Variants in FOXP2 observed in about 807,000 individuals in gnomAD.
FOXP2 encodes the protein forkhead box P2.
A neutral mutation model predicts 115.8 loss-of-function variants in FOXP2; 12 were observed. The observed-to-expected ratio is 0.10, with a 90% confidence interval of 0.07 to 0.17. The LOEUF (loss-of-function observed/expected upper bound fraction) is 0.17, where lower values mean the gene tolerates loss of function less well. Among genes scored for constraint, FOXP2 ranks in the 10% least tolerant of loss-of-function variants. The pLI, the probability that FOXP2 is intolerant of heterozygous loss-of-function variation, is 1.00. For synonymous variants in FOXP2, 328 were observed against 297.7 expected, an observed-to-expected ratio of 1.10 and a Z score of -1.05; for missense variants, 629 against 843.5, an observed-to-expected ratio of 0.75 and a Z score of 3.15.
At chr7:114,258,444 A>T (rs1454876844) in intron 1 of FOXP2, among the ~76,000 whole-genome samples, 1 of 152,198 alleles carries the variant, frequency 6.6e-6, no homozygotes, top group African/African-American at 2.4e-5. Flanking sequence ...TGAAAAGCAT[A>T]GGATTAGAGC....
chr7:114,094,920 C>T (rs372243219), intron 1 of FOXP2, among the ~76,000 whole-genome samples: 11 of 152,296 alleles, frequency 7.2e-5, no homozygotes, highest in African/African-American at 2.6e-4. Context: ...ACTCCCATTC[C>T]CTTGCCCCTT....
intron 1 of FOXP2, among the ~76,000 whole-genome samples, chr7:114,183,786 G>T (rs1483794138): frequency 6.6e-6 from 1 of 152,076 alleles, no homozygotes; most frequent in Non-Finnish European, 1.5e-5. Flanking sequence ...TAGCTAATTA[G>T]TGATGCGCTG....
chr7:114,690,610 G>A lies in FOXP2; in HGVS notation c.*684G>A, dbSNP rs1279072952. The A allele has an allele frequency of 2.2e-6, 1 of 454,080 alleles. No individual in the cohort carries two copies. The highest frequency in any genetic ancestry group is 2.0e-5 in the African/African-American group (1 of 50,112). The allele number at this position is 454,080 out of a possible 1,614,324, so 28.1% of individuals were successfully genotyped here. A position where few individuals can be genotyped will look rare whatever the true frequency, so the allele number is the denominator to read the frequency against. On this transcript the variant is annotated 3_prime_UTR_variant, in exon 17 of 17. Transcript: ENST00000350908. Reference sequence around the variant, plus strand: ...TGCTGTTAGTGTTAAGATGTAAAGTGCAATCCTAAGCTAACATTATCTGTG... The same window carrying A: ...TGCTGTTAGTGTTAAGATGTAAAGTACAATCCTAAGCTAACATTATCTGTG...
At chr7:114,248,180 CAGAGAGAGAGAGAG>C (rs71314647) in intron 1 of FOXP2, among the ~76,000 whole-genome samples, 7 of 145,966 alleles carry the variant, frequency 4.8e-5, no homozygotes, top group South Asian at 2.2e-4. Flanking sequence ...AGCTTAAAAA[CAGAGAGAGAGAGAG>C]AGAGAGAGAG....
chr7:114,521,105 A>T (rs1798602930), intron 2 of FOXP2, among the ~76,000 whole-genome samples: 1 of 152,156 alleles, frequency 6.6e-6, no homozygotes, highest in African/African-American at 2.4e-5. Flanking sequence ...TTTTTATTGC[A>T]AAAGAACTGT....
chr7:114,590,989 A>G (rs908094220), intron 3 of FOXP2, among the ~76,000 whole-genome samples: 4 of 152,150 alleles, frequency 2.6e-5, no homozygotes, highest in African/African-American at 9.7e-5. Context: ...TATTCTTCCA[A>G]AATTGTTTAC....
At position 114,642,627 on chromosome 7, in the gene FOXP2, A is replaced by C; in HGVS notation, c.989+4A>C. 2 of 1,609,968 alleles carry C rather than the reference A, an allele frequency of 1.2e-6. No homozygotes were observed. The highest frequency in any genetic ancestry group is 3.3e-5 in the Admixed American group (2 of 59,980). Reference sequence around the variant, plus strand: ...TTCTAAGTGCAAGACGAGACAGGTAAATCTCATGAGCTTTATTCTATATTT... The same window carrying C: ...TTCTAAGTGCAAGACGAGACAGGTACATCTCATGAGCTTTATTCTATATTT... On this transcript the variant is annotated splice_donor_region_variant and intron_variant, in intron 7 of 16. Transcript: ENST00000350908.
chr7:114,481,446 G>A (rs532967599), intron 2 of FOXP2, among the ~76,000 whole-genome samples: 13 of 151,256 alleles, frequency 8.6e-5, no homozygotes, highest in Admixed American at 5.9e-4. Flanking sequence ...GATCAGTTCC[G>A]AATTACAGTG....
At chr7:114,268,178 T>C (rs1795945080) in intron 1 of FOXP2, among the ~76,000 whole-genome samples, 1 of 152,222 alleles carries the variant, frequency 6.6e-6, no homozygotes, top group African/African-American at 2.4e-5. Context: ...TAATATTCCA[T>C]TGTATGTACA....
rs142155170 is a variant in FOXP2 at position 114,289,277 on chromosome 7, A to G, written c.-11+1168A>G. ...TCATTTTACTCTTAATTTATGATGT[A>G]AGTAAGGTTGACATTATTATTCTTT... On this transcript the variant is annotated intron_variant, in intron 2 of 17. Transcript: ENST00000634411. 2.6e-3 allele frequency among the ~76,000 whole-genome samples: 397 copies of G among 151,964 alleles called. 2 individuals are homozygous for G. Among genetic ancestry groups the G allele is most frequent in the African/African-American group, 9.2e-3 (382 of 41,548 alleles).
chr7:114,479,307 C>T (rs1380392440), intron 2 of FOXP2, among the ~76,000 whole-genome samples: 1 of 151,486 alleles, frequency 6.6e-6, no homozygotes, highest in African/African-American at 2.4e-5. Context: ...AATGTGGTAA[C>T]ATATTATTTC....
At chr7:114,140,147 G>A (rs1792165911) in intron 1 of FOXP2, among the ~76,000 whole-genome samples, 3 of 151,934 alleles carry the variant, frequency 2.0e-5, no homozygotes, top group African/African-American at 7.3e-5. Flanking sequence ...TGCAGAAAGA[G>A]ATCAAAATGT....
intron 1 of FOXP2, among the ~76,000 whole-genome samples, chr7:114,261,251 C>T (rs1370537132): frequency 6.6e-6 from 1 of 152,170 alleles, no homozygotes; most frequent in African/African-American, 2.4e-5. Context: ...GCAACAATAA[C>T]TTTCCCACCT....
intron 1 of FOXP2, among the ~76,000 whole-genome samples, chr7:114,132,537 T>C (rs1342260393): frequency 7.7e-6 from 1 of 129,532 alleles, no homozygotes; most frequent in East Asian, 2.3e-4. Flanking sequence ...ATAGAAAAGA[T>C]AAATTGTGTG....
rs1053241497 is a variant in FOXP2 at position 114,147,411 on chromosome 7, T to C, written c.-246-15533T>C. 2.6e-5 allele frequency among the ~76,000 whole-genome samples: 4 copies of C among 152,202 alleles called. No homozygotes were observed. In the East Asian group the frequency reaches 7.7e-4, roughly 29 times the overall value. Reference sequence around the variant, plus strand: ...GGCAGGAGACACATTAGTGCCATGATGTAGTGAAATAGAAAACAAGGCTTT... The same window carrying C: ...GGCAGGAGACACATTAGTGCCATGACGTAGTGAAATAGAAAACAAGGCTTT... On this transcript the variant is annotated intron_variant, in intron 1 of 19. Transcript: ENST00000635638.
At chr7:114,280,303 C>T (rs564271680) in intron 1 of FOXP2, among the ~76,000 whole-genome samples, 2 of 151,888 alleles carry the variant, frequency 1.3e-5, no homozygotes, top group Non-Finnish European at 2.9e-5. Context: ...AGAATTCATC[C>T]TTTAATTTTA....
rs905897889 is a variant in FOXP2, at chr7:114,692,149, A to G, written c.*2223A>G. ...GATCCTACTGTAAGGATTATCTGAA[A>G]GGAAAAATGGGTCTTTCAGGTGCAT... is the stretch of plus-strand genomic sequence containing the variant. On this transcript the variant is annotated 3_prime_UTR_variant, in exon 17 of 17. Transcript: ENST00000350908. The G allele has an allele frequency of 7.1e-5, 32 of 453,818 alleles. 1 individual carries two copies. Among genetic ancestry groups the G allele is most frequent in the Admixed American group, 6.8e-4 (29 of 42,502 alleles). The allele number at this position is 453,818 out of a possible 1,614,324, so 28.1% of individuals were successfully genotyped here.
intron 2 of FOXP2, chr7:114,366,621 A>G (rs1477002546): frequency 1.3e-5 from 2 of 152,176 alleles, no homozygotes; most frequent in East Asian, 3.8e-4. Flanking sequence ...TGTTTGAAGA[A>G]CAGCCTGCTG....
At position 114,691,821 on chromosome 7, in the gene FOXP2, G is replaced by C. The variant is rs1178385223; in HGVS notation, c.*1895G>C. ...GATTCTTTGCTGAAGTCAGCAAATA[G>C]AGTTAGAGAGATACCCAGTCATCTA... On this transcript the variant is annotated 3_prime_UTR_variant, in exon 17 of 17. Coordinates refer to ENST00000350908, the MANE Select transcript of FOXP2 (RefSeq NM_014491.4). 1 of 451,320 alleles carries C rather than the reference G, an allele frequency of 2.2e-6. No homozygotes were observed. Among genetic ancestry groups the C allele is most frequent in the Non-Finnish European group, 4.4e-6 (1 of 226,144 alleles). The allele number at this position is 451,320 out of a possible 1,614,324, so 28.0% of individuals were successfully genotyped here. A position where few individuals can be genotyped will look rare whatever the true frequency, so the allele number is the denominator to read the frequency against.
Sources: gnomAD v4.1 joint callset for allele counts (sites outside exome capture counted in the v4.1 genomes callset) on GRCh38, gnomAD v4.1.1 for gene constraint, MANE v1.5 for transcripts, NCBI Gene and HGNC (gene_info 2026-07-23, HGNC 2026-07-21) for gene names.